BDH2: variants seen among roughly 807,000 people sequenced by gnomAD.
BDH2 encodes the protein 3-hydroxybutyrate dehydrogenase 2.
In BDH2, 24 loss-of-function variants were observed where a neutral mutation model predicts 33.2. The observed-to-expected ratio is 0.72, with a 90% CI of 0.52 to 1.02. The LOEUF is 1.02. Ranked by LOEUF, BDH2 falls within the 50% of genes least tolerant of loss-of-function variation. The pLI is 0.00. For missense variants in BDH2, 249 were observed against 301.6 expected (o/e 0.83, Z 1.29); for synonymous variants, 81 against 101.6 (o/e 0.80, Z 1.22).
At chr4:103,091,686 A>C (rs980331327) in intron 4 of BDH2, 16 of 455,240 alleles carry the variant, frequency 3.5e-5, no homozygotes, top group Non-Finnish European at 6.6e-5. Context: ...TTTAGGATGC[A>C]GTGAGCTATG....
At chr4:103,091,882 T>C (rs1034770168) in intron 4 of BDH2, 1 of 415,928 alleles carries the variant, frequency 2.4e-6, no homozygotes, top group African/African-American at 2.1e-5. Context: ...AACAAGTGTC[T>C]GAACATCTCA....
At position 103,079,546 on chromosome 4, in the gene BDH2, G is replaced by C; in HGVS notation, c.*156C>G. The C allele has an allele frequency of 1.5e-6, 1 of 658,364 alleles. No homozygotes were observed. The highest frequency in any genetic ancestry group is 1.8e-5 in the African/African-American group (1 of 54,886). The allele number at this position is 658,364 out of a possible 1,614,324, so 40.8% of individuals were successfully genotyped here. On this transcript the variant is annotated 3_prime_UTR_variant, in exon 10 of 10. Transcript: ENST00000296424. The stretch of plus-strand genomic sequence containing the variant: ...TTACAAAGAGATTAATATACTTAAA[G>C]AATCAGACTCTTGCAAACAGTGACA...
At position 103,096,289 on chromosome 4, in the gene BDH2, G is replaced by C. The variant is rs761515994; in HGVS notation, c.-20-15C>G. The C allele has an allele frequency of 6.7e-7, 1 of 1,494,804 alleles. No homozygotes were observed. The highest frequency in any genetic ancestry group is 9.3e-7 in the Non-Finnish European group (1 of 1,072,412). 92.6% of individuals were successfully genotyped at this position (1,494,804 alleles called of 1,614,324 possible). On this transcript the variant is annotated splice_polypyrimidine_tract_variant and intron_variant, in intron 1 of 9. Transcript: ENST00000296424. The stretch of plus-strand genomic sequence containing the variant: ...TGTGGTTTAATCTAAAGACATGTGT[G>C]TTTAATGGGTTATACTGTAGAACAT...
At chr4:103,082,045 G>A (rs764957045) in intron 9 of BDH2, 36 bp downstream of exon 9, 1 of 1,545,152 alleles carries the variant, frequency 6.5e-7, no homozygotes, top group Middle Eastern at 1.7e-4. Context: ...AAATGTGATT[G>A]AGGGTAATGA....
chr4:103,099,408 G>A (rs555865368), intron 1 of BDH2: 13 of 152,224 alleles, frequency 8.5e-5, no homozygotes, highest in African/African-American at 2.9e-4. Flanking sequence ...GGCCTGAAAT[G>A]GTAAAACAAG....
chr4:103,095,828 A>G (rs1023648710), intron 2 of BDH2, among the ~76,000 whole-genome samples: 1 of 152,180 alleles, frequency 6.6e-6, no homozygotes, highest in African/African-American at 2.4e-5. Context: ...CTGTCTTATA[A>G]CTCTGGAGTC....
rs769164756 is a variant in BDH2, at chr4:103,082,086, C to G, written c.679G>C (p.Asp227His). ...IAMLCVYLAS[D>H]ESAYVTGNPV... ...TTGGGAAGAATAGTGCTTACTTCAT[C>G]AGAAGCCAAATACACGCAGAGCATG... The change falls in exon 9 of 10, where the codon GAT (aspartate) becomes CAT (histidine). Residue 227 changes from aspartate to histidine, a missense_variant. Coordinates refer to ENST00000296424, the MANE Select transcript of BDH2 (RefSeq NM_020139.4). 6.2e-7 allele frequency: 1 copy of G among 1,613,852 alleles called. No homozygotes were observed. Among genetic ancestry groups the G allele is most frequent in the Non-Finnish European group, 8.5e-7 (1 of 1,179,734 alleles).
intron 3 of BDH2, among the ~76,000 whole-genome samples, chr4:103,093,063 A>T (rs982515487): frequency 6.6e-6 from 1 of 152,306 alleles, no homozygotes; most frequent in East Asian, 1.9e-4. Flanking sequence ...AACTTCAAAC[A>T]TTAATTTTCT....
intron 3 of BDH2, among the ~76,000 whole-genome samples, chr4:103,094,666 A>C (rs1329820575): frequency 6.6e-6 from 1 of 152,110 alleles, no homozygotes; most frequent in Non-Finnish European, 1.5e-5. Flanking sequence ...ATTTAAATAA[A>C]AAATTTAGTA....
intron 5 of BDH2, among the ~76,000 whole-genome samples, chr4:103,089,471 T>A (rs74424884): frequency 6.7e-6 from 1 of 149,604 alleles, no homozygotes; most frequent in Non-Finnish European, 1.5e-5. Flanking sequence ...GATTTTTTTT[T>A]AAACAAATCT....
chr4:103,085,955 G>C (rs997024909), intron 6 of BDH2: 7 of 1,168,454 alleles, frequency 6.0e-6, no homozygotes, highest in South Asian at 3.4e-5. Context: ...TTGTACTGCT[G>C]TCCTTGTCCT....
chr4:103,087,307 T>C (rs1747841115), intron 5 of BDH2, among the ~76,000 whole-genome samples: 1 of 151,230 alleles, frequency 6.6e-6, no homozygotes, highest in South Asian at 2.1e-4. Context: ...ACCCTGAAGG[T>C]GATGCAGTGA....
intron 7 of BDH2, among the ~76,000 whole-genome samples, chr4:103,083,640 G>A (rs538187070): frequency 5.9e-5 from 9 of 151,338 alleles, no homozygotes; most frequent in African/African-American, 2.2e-4. Context: ...TTTTGTTAAC[G>A]GACATAAACT....
intron 3 of BDH2, 28 bp from the exon 4 acceptor site, chr4:103,092,724 C>T (rs1226109133): frequency 6.6e-7 from 1 of 1,504,910 alleles, no homozygotes; most frequent in African/African-American, 1.4e-5. Context: ...AGGCACTATT[C>T]CTAAAAATGT....
At chr4:103,093,135 G>T (rs928304016) in intron 3 of BDH2, among the ~76,000 whole-genome samples, 11 of 152,004 alleles carry the variant, frequency 7.2e-5, no homozygotes, top group African/African-American at 2.7e-4. Flanking sequence ...AATAAAAATT[G>T]CATATATTCA....
chr4:103,089,328 G>A (rs530254262), intron 5 of BDH2, among the ~76,000 whole-genome samples: 3 of 152,318 alleles, frequency 2.0e-5, no homozygotes, highest in African/African-American at 7.2e-5. Context: ...ATGGCACATG[G>A]CCAATTAGGG....
intron 5 of BDH2, among the ~76,000 whole-genome samples, chr4:103,088,528 G>A (rs1053669999): frequency 6.6e-6 from 1 of 152,170 alleles, no homozygotes; most frequent in Non-Finnish European, 1.5e-5. Context: ...TGCCTTCCCA[G>A]TCCAGGTCAG....
intron 1 of BDH2, among the ~76,000 whole-genome samples, chr4:103,097,143 T>C (rs2125813567): frequency 6.6e-6 from 1 of 152,080 alleles, no homozygotes; most frequent in East Asian, 1.9e-4. Context: ...ATACTCCCAT[T>C]TTACAGATGA....
intron 7 of BDH2, among the ~76,000 whole-genome samples, chr4:103,084,768 G>C (rs546371119): frequency 1.3e-5 from 2 of 152,238 alleles, no homozygotes; most frequent in Non-Finnish European, 1.5e-5. Context: ...TAAGTCAGTG[G>C]GTTTCAACTG....
Sources: allele counts gnomAD v4.1 joint callset (sites outside exome capture counted in the v4.1 genomes callset), GRCh38; gene constraint gnomAD v4.1.1; transcripts MANE v1.5; gene names NCBI Gene and HGNC (gene_info 2026-07-23, HGNC 2026-07-21).